The following PTGER3 variants were observed in gnomAD, a reference collection of about 807,000 sequenced individuals.
PTGER3 encodes the protein prostaglandin E2 receptor EP3 subtype.
Under a neutral mutation model 34.7 loss-of-function variants are expected in PTGER3, and 22 were observed. That is an observed-to-expected ratio of 0.63 (90% CI 0.45 to 0.91). The LOEUF (loss-of-function observed/expected upper bound fraction) is 0.91. PTGER3 is among the 40% of genes least tolerant of loss of function. PTGER3 has a pLI of 0.00. For missense variants in PTGER3, 468 were observed against 519.4 expected (o/e 0.90, Z 0.96); for synonymous variants, 241 against 230.1 (o/e 1.05, Z -0.43).
chr1:70,987,348 G>A (rs1303883406), intron 2 of PTGER3, among the ~76,000 whole-genome samples: 1 of 152,154 alleles, frequency 6.6e-6, no homozygotes, highest in East Asian at 1.9e-4. Context: ...AGTAATAGGA[G>A]TCAATCAAGG....
intron 4 of PTGER3, among the ~76,000 whole-genome samples, chr1:70,942,300 A>G (rs553010932): frequency 6.6e-6 from 1 of 152,300 alleles, no homozygotes; most frequent in Non-Finnish European, 1.5e-5. Context: ...ACCAACCCTG[A>G]ACTATTCCTT....
chr1:71,000,734 G>A (rs1437409983), intron 2 of PTGER3, among the ~76,000 whole-genome samples: 2 of 151,978 alleles, frequency 1.3e-5, no homozygotes, highest in Non-Finnish European at 2.9e-5. Context: ...CTGTTCCAAA[G>A]CAAACTTAAG....
intron 1 of PTGER3, among the ~76,000 whole-genome samples, chr1:71,025,501 C>G (rs1054936268): frequency 5.3e-5 from 8 of 151,766 alleles, no homozygotes; most frequent in African/African-American, 1.9e-4. Context: ...AGGATATCAT[C>G]AAATTTCTAA....
At chr1:71,039,574 C>T (rs1328763695) in intron 1 of PTGER3, among the ~76,000 whole-genome samples, 4 of 140,300 alleles carry the variant, frequency 2.9e-5, no homozygotes, top group African/African-American at 1.1e-4. Context: ...GGCATGAACC[C>T]GGGAGGCAGA....
At chr1:70,949,759 C>G (rs982953245), downstream of PTGER3, among the ~76,000 whole-genome samples, 5 of 152,142 alleles carry the variant, frequency 3.3e-5, no homozygotes, top group Admixed American at 2.6e-4. Context: ...ATACAACTTT[C>G]TATCCTGTCC....
chr1:71,002,050 G>T (rs1005211696), intron 2 of PTGER3: 6 of 152,170 alleles, frequency 3.9e-5, no homozygotes, highest in African/African-American at 1.4e-4. Context: ...GAGGCCAGGA[G>T]TTTAAGACCA....
intron 4 of PTGER3, among the ~76,000 whole-genome samples, chr1:70,925,847 G>A (rs1428475788): frequency 6.6e-6 from 1 of 151,994 alleles, no homozygotes; most frequent in Non-Finnish European, 1.5e-5. Flanking sequence ...GGCTTCATAG[G>A]CATTCATTTC....
At chr1:70,873,708 C>A (rs1646214179) in intron 4 of PTGER3, among the ~76,000 whole-genome samples, 1 of 149,218 alleles carries the variant, frequency 6.7e-6, no homozygotes, top group Non-Finnish European at 1.5e-5. Context: ...AGTGCAATGG[C>A]ACTATCTCGG....
At chr1:70,968,651 G>A (rs572002747), downstream of PTGER3, among the ~76,000 whole-genome samples, 3 of 151,770 alleles carry the variant, frequency 2.0e-5, no homozygotes, top group Non-Finnish European at 4.4e-5. Context: ...AAACAAAAAT[G>A]TTCTCTGTAC....
At chr1:70,966,492 A>G (rs972083748), downstream of PTGER3, among the ~76,000 whole-genome samples, 2 of 151,978 alleles carry the variant, frequency 1.3e-5, no homozygotes, top group Middle Eastern at 3.4e-3. Flanking sequence ...TCTTTATTCT[A>G]AAAAAAACAG....
At chr1:71,013,519 A>G (rs551097750) in intron 1 of PTGER3, among the ~76,000 whole-genome samples, 126 of 152,200 alleles carry the variant, frequency 8.3e-4, no homozygotes, top group Non-Finnish European at 1.3e-3. Context: ...CCTGACCAAC[A>G]TAGAGAAACC....
downstream of PTGER3, among the ~76,000 whole-genome samples, chr1:70,968,850 C>A (rs1652802475): frequency 6.6e-6 from 1 of 151,798 alleles, no homozygotes; most frequent in African/African-American, 2.4e-5. Flanking sequence ...ATTTTTCTAA[C>A]TTTTCTAATT....
chr1:70,944,793 G>C (rs989739304), intron 4 of PTGER3, among the ~76,000 whole-genome samples: 2 of 152,096 alleles, frequency 1.3e-5, no homozygotes, highest in African/African-American at 2.4e-5. Flanking sequence ...CTCTTCATCA[G>C]AAGTACTAAA....
chr1:71,040,539 G>T (rs1276599686), intron 1 of PTGER3, among the ~76,000 whole-genome samples: 1 of 151,988 alleles, frequency 6.6e-6, no homozygotes, highest in Admixed American at 6.6e-5. Flanking sequence ...AACCCAGGAG[G>T]CAGAAGTTGC....
At chr1:70,951,569 AAGG>A (rs1650763766), downstream of PTGER3, 1 of 152,194 alleles carries the variant, frequency 6.6e-6, no homozygotes, top group Admixed American at 6.5e-5. Context: ...GGAGTAGAAG[AAGG>A]AGATTGATTG....
chr1:70,971,621 T>A lies in PTGER3; in HGVS notation c.*109A>T. 1 of 1,404,858 alleles carries A rather than the reference T, an allele frequency of 7.1e-7. No individual in the cohort carries two copies. Among genetic ancestry groups the A allele is most frequent in the African/African-American group, 1.5e-5 (1 of 66,866 alleles). 87.0% of individuals were successfully genotyped at this position (1,404,858 alleles called of 1,614,324 possible). On this transcript the variant is annotated 3_prime_UTR_variant, in exon 4 of 4. Coordinates refer to ENST00000306666, the MANE Select transcript of PTGER3 (RefSeq NM_198719.2). ...AATCATTAAAATAAAAAGATAAAAA[T>A]GAAGAAATAATCCAAATTAAAATAT... is the stretch of plus-strand genomic sequence containing the variant.
At chr1:71,030,453 T>C (rs2744898) in intron 1 of PTGER3, among the ~76,000 whole-genome samples, 139,866 of 152,272 alleles carry the variant, frequency 0.92, 64,363 homozygotes, top group African/African-American at 0.97. Context: ...GCAAAAAGAA[T>C]TCAATATACA....
At chr1:71,039,661 A>G (rs1660129536) in intron 1 of PTGER3, among the ~76,000 whole-genome samples, 1 of 147,086 alleles carries the variant, frequency 6.8e-6, no homozygotes, top group Non-Finnish European at 1.5e-5. Context: ...AAAAAAAAAA[A>G]AAAAAAAAAG....
At chr1:71,028,132 C>G (rs934509048) in intron 1 of PTGER3, among the ~76,000 whole-genome samples, 1 of 152,144 alleles carries the variant, frequency 6.6e-6, no homozygotes, top group Non-Finnish European at 1.5e-5. Context: ...TTCACTGGAT[C>G]CTATGTGCTT....
Sources: allele counts gnomAD v4.1 joint callset (sites outside exome capture counted in the v4.1 genomes callset), GRCh38; gene constraint gnomAD v4.1.1; transcripts MANE v1.5; gene names NCBI Gene and HGNC (gene_info 2026-07-23, HGNC 2026-07-21).